SH2B3: variants seen among roughly 807,000 people sequenced by gnomAD.
SH2B3 encodes the protein SH2B adapter protein 3.
SH2B3 carries 43 observed loss-of-function variants against 51.9 expected under a neutral mutation model. The observed-to-expected ratio is 0.83, with a 90% confidence interval of 0.65 to 1.07. The LOEUF (loss-of-function observed/expected upper bound fraction) is 1.07. Among genes scored for constraint, SH2B3 ranks in the 50% least tolerant of loss-of-function variants. The pLI is 0.00. For synonymous variants in SH2B3, 396 were observed against 376.0 expected (o/e 1.05, Z -0.62); for missense variants, 952 against 834.3 (o/e 1.14, Z -1.74).
intron 2 of SH2B3, among the ~76,000 whole-genome samples, chr12:111,422,981 G>A (rs565094481): frequency 6.6e-6 from 1 of 152,354 alleles, no homozygotes; most frequent in East Asian, 1.9e-4. Context: ...ACAGGTGCGA[G>A]CCACCACGCC....
chr12:111,426,458 C>G (rs1338947681), intron 2 of SH2B3, among the ~76,000 whole-genome samples: 1 of 150,694 alleles, frequency 6.6e-6, no homozygotes, highest in African/African-American at 2.5e-5. Context: ...ACTCCTGGCC[C>G]TAAGTGATCC....
At chr12:111,424,655 C>T (rs1240513210) in intron 2 of SH2B3, among the ~76,000 whole-genome samples, 1 of 152,108 alleles carries the variant, frequency 6.6e-6, no homozygotes, top group Non-Finnish European at 1.5e-5. Context: ...GCAAGCAGCC[C>T]TGGGGAGGCT....
At chr12:111,424,495 C>T (rs752881047) in intron 2 of SH2B3, among the ~76,000 whole-genome samples, 1 of 152,132 alleles carries the variant, frequency 6.6e-6, no homozygotes, top group Non-Finnish European at 1.5e-5. Context: ...TCTCTGGGAG[C>T]CCTGATGGTA....
intron 2 of SH2B3, chr12:111,434,695 T>A: frequency 1.3e-6 from 1 of 745,594 alleles, no homozygotes; most frequent in Non-Finnish European, 1.6e-6. Context: ...TTATTTAGGT[T>A]TTATTCTAGT....
In SH2B3 at chr12:111,418,254, G is replaced by A; in HGVS notation, c.109G>A (p.Ala37Thr). 1.3e-6 allele frequency: 2 copies of A among 1,535,396 alleles called. No individual in the cohort carries two copies. Reference protein sequence around the residue: ...SEFCELHAVAAARELARQYWL... With the variant: ...SEFCELHAVATARELARQYWL... ...GTTCTGTGAGTTGCACGCCGTAGCG[G>A]CGGCCCGGGAGCTGGCCCGCCAGTA... Residue 37 changes from alanine (A) to threonine (T), a missense_variant, in exon 2 of 8, where the codon GCG becomes ACG. By Grantham distance (58) the Ala-to-Thr change is moderately conservative (BLOSUM62 0). Coordinates refer to ENST00000341259, the MANE Select transcript of SH2B3 (RefSeq NM_005475.3). The surrounding 1 kb of genome is among the most constrained non-coding windows in gnomAD (Gnocchi z 6.7).
rs1870509510 is a variant in SH2B3 at position 111,409,454 on chromosome 12, A to AGCT, written c.-28+3178_-28+3179insCTG. Among the ~76,000 whole-genome samples the AGCT allele has an allele frequency of 6.6e-6, 1 of 152,190 alleles. No individual in the cohort carries two copies. Among genetic ancestry groups the AGCT allele is most frequent in the Non-Finnish European group, 1.5e-5 (1 of 68,014 alleles). ...GGGCGTTCAGCATCTTTGACGAGGC[A>AGCT]GGGCAGGAAGCCGCTGCCGTCTGGC... On this transcript the variant is annotated intron_variant, in intron 1 of 7. Transcript: ENST00000341259. This position sits in a 1 kb window ranked among gnomAD's most constrained non-coding sequence, Gnocchi z 4.0.
In SH2B3 at chr12:111,438,968, TTTTGTTTG is replaced by T. The variant is rs531285039; in HGVS notation, c.733-7772_733-7765del. ...ATGAGGACCACAGGGGAGTTTTTGT[TTTTGTTTG>T]TTTGTTTGTTTGAGACAGTCTTGCT... On this transcript the variant is annotated intron_variant, in intron 2 of 7. Transcript: ENST00000341259. This position sits in a 1 kb window ranked among gnomAD's most constrained non-coding sequence, Gnocchi z 4.2. Among the ~76,000 whole-genome samples the T allele has an allele frequency of 2.0e-5, 3 of 151,984 alleles. No homozygotes were observed. The highest frequency in any genetic ancestry group is 4.4e-5 in the Non-Finnish European group (3 of 68,002).
intron 2 of SH2B3, among the ~76,000 whole-genome samples, chr12:111,442,631 C>T (rs1873534150): frequency 6.6e-6 from 1 of 152,304 alleles, no homozygotes; most frequent in African/African-American, 2.4e-5. Flanking sequence ...GTCCTGCCCT[C>T]CAGCGTCCCA....
At chr12:111,437,227 G>A (rs1038353497) in intron 2 of SH2B3, among the ~76,000 whole-genome samples, 5 of 152,168 alleles carry the variant, frequency 3.3e-5, no homozygotes, top group Non-Finnish European at 5.9e-5. Flanking sequence ...AGGGGCCTGG[G>A]ACCCCCAAAG....
intron 2 of SH2B3, among the ~76,000 whole-genome samples, chr12:111,442,772 G>A (rs1873552620): frequency 6.6e-6 from 1 of 152,354 alleles, no homozygotes; most frequent in African/African-American, 2.4e-5. Flanking sequence ...GCTCACCTGT[G>A]CCTCTTCCTG....
intron 2 of SH2B3, among the ~76,000 whole-genome samples, chr12:111,440,468 G>A (rs1346673806): frequency 6.6e-6 from 1 of 152,136 alleles, no homozygotes; most frequent in Non-Finnish European, 1.5e-5. Context: ...AAATGTTGCC[G>A]GCCTGTGAAT....
In SH2B3 at chr12:111,418,891, G is replaced by A; in HGVS notation, c.732+14G>A. The A allele has an allele frequency of 7.2e-7, 1 of 1,394,374 alleles. No homozygotes were observed. 86.4% of individuals were successfully genotyped at this position (1,394,374 alleles called of 1,614,324 possible). On this transcript the variant is annotated intron_variant, in intron 2 of 7. Transcript: ENST00000341259. This position sits in a 1 kb window ranked among gnomAD's most constrained non-coding sequence, Gnocchi z 6.7. ...GACCCACCCAAGGTAAGTAAGCCCTGCCCGCGGGGTTGCGCACTGCACTGC... is the reference window on the plus strand; with the variant it reads ...GACCCACCCAAGGTAAGTAAGCCCTACCCGCGGGGTTGCGCACTGCACTGC...
chr12:111,422,353 C>A (rs1007583016), intron 2 of SH2B3, among the ~76,000 whole-genome samples: 2 of 152,130 alleles, frequency 1.3e-5, no homozygotes, highest in Non-Finnish European at 1.5e-5. Flanking sequence ...CTTTACTTTG[C>A]GTTTCCCTGA....
intron 2 of SH2B3, among the ~76,000 whole-genome samples, chr12:111,420,501 G>C (rs1307725925): frequency 6.6e-6 from 1 of 152,108 alleles, no homozygotes; most frequent in Non-Finnish European, 1.5e-5. Context: ...ATGCATGACA[G>C]GACCATATGG....
At position 111,429,585 on chromosome 12, in the gene SH2B3, C is replaced by T. The variant is rs748435551; in HGVS notation, c.732+10708C>T. ...CTGACCTCAGGCTGTCCATCTGCCT[C>T]GGCCTCCCAAAGTGCTAGGATTACA... is the stretch of plus-strand genomic sequence containing the variant. On this transcript the variant is annotated intron_variant, in intron 2 of 7. Coordinates refer to ENST00000341259, the MANE Select transcript of SH2B3 (RefSeq NM_005475.3). This position sits in a 1 kb window ranked among gnomAD's most constrained non-coding sequence, Gnocchi z 4.4. Among the ~76,000 whole-genome samples, 1 of 152,222 alleles carries T rather than the reference C, an allele frequency of 6.6e-6. No individual in the cohort carries two copies. The highest frequency in any genetic ancestry group is 1.5e-5 in the Non-Finnish European group (1 of 68,034).
rs1873139817 is a variant in SH2B3 at position 111,438,903 on chromosome 12, G to A, written c.733-7850G>A. Among the ~76,000 whole-genome samples, 1 of 152,208 alleles carries A rather than the reference G, an allele frequency of 6.6e-6. No homozygotes were observed. The highest frequency in any genetic ancestry group is 2.1e-4 in the South Asian group (1 of 4,832). ...GTGTGGCTGGATCAGAGCGAGGGAG[G>A]GAGGCCCAAGAGGCTGAGGAGGTAA... On this transcript the variant is annotated intron_variant, in intron 2 of 7. Transcript: ENST00000341259. This position sits in a 1 kb window ranked among gnomAD's most constrained non-coding sequence, Gnocchi z 4.2.
Position 111,434,998 on chromosome 12 carries a change from C to CCT in SH2B3, c.733-11752_733-11751dup, listed in dbSNP as rs1310047973. ...TCCACCCCAGAAGCCCTTGCTCTCA[C>CCT]CTCTTCTTCTGAATCATCGTTCTTC... On this transcript the variant is annotated intron_variant, in intron 2 of 7. Transcript: ENST00000341259. The CCT allele has an allele frequency of 1.6e-5, 24 of 1,535,432 alleles. No individual in the cohort carries two copies. In the African/African-American group the frequency reaches 2.6e-4, roughly 17 times the overall value.
chr12:111,447,275 A>G, intron 5 of SH2B3, 55 bp from the exon 6 acceptor site: 1 of 1,587,324 alleles, frequency 6.3e-7, no homozygotes, highest in Non-Finnish European at 8.7e-7. Flanking sequence ...ACCCAGACTC[A>G]GCCCAGGACA....
At chr12:111,445,106 A>AC in intron 2 of SH2B3, among the ~76,000 whole-genome samples, 1 of 152,316 alleles carries the variant, frequency 6.6e-6, no homozygotes, top group South Asian at 2.1e-4. Context: ...GGCCAGAGTC[A>AC]GAGTGAAACC....
Sources: gnomAD v4.1 joint callset for allele counts (sites outside exome capture counted in the v4.1 genomes callset) on GRCh38, gnomAD v4.1.1 for gene constraint, Gnocchi (gnomAD v3.1) non-coding constraint, MANE v1.5 for transcripts, NCBI Gene and HGNC (gene_info 2026-07-23, HGNC 2026-07-21) for gene names.